KAT6A: variants seen among roughly 807,000 people sequenced by gnomAD.
The protein encoded by KAT6A is lysine acetyltransferase 6A, also known as histone acetyltransferase KAT6A.
In KAT6A, 9 loss-of-function variants were observed where a neutral mutation model predicts 198.4. The ratio of observed to expected loss-of-function variants is 0.05; its 90% CI spans 0.03 to 0.08. The LOEUF (loss-of-function observed/expected upper bound fraction) is 0.08. Ranked by LOEUF, KAT6A falls within the 10% of genes least tolerant of loss-of-function variation. The probability of loss-of-function intolerance (pLI) is 1.00; values close to 1 mark genes in which losing one functional copy is unlikely to be tolerated. For missense variants in KAT6A, 2,077 were observed against 2,509.9 expected (o/e 0.83, Z 3.69); for synonymous variants, 890 against 883.0 (o/e 1.01, Z -0.14).
At chr8:41,958,423 T>A (rs939371282) in intron 8 of KAT6A, 5 of 151,958 alleles carry the variant, frequency 3.3e-5, no homozygotes, top group African/African-American at 1.2e-4. Flanking sequence ...GAACAGCGAG[T>A]GAAGCATAAA....
intron 3 of KAT6A, among the ~76,000 whole-genome samples, chr8:41,984,258 C>CACAGTGTGACT (rs1315236417): frequency 6.6e-6 from 1 of 152,170 alleles, no homozygotes; most frequent in East Asian, 1.9e-4. Context: ...GCTGAAATAA[C>CACAGTGTGACT]ACAGTGTGAC....
chr8:41,966,338 C>A (rs139285897), intron 8 of KAT6A, among the ~76,000 whole-genome samples: 4 of 151,852 alleles, frequency 2.6e-5, no homozygotes, highest in Admixed American at 1.3e-4. Context: ...CATCTCACAC[C>A]GTCAGAAGAG....
At chr8:41,952,035 C>T (rs1213364176) in intron 9 of KAT6A, among the ~76,000 whole-genome samples, 5 of 152,188 alleles carry the variant, frequency 3.3e-5, no homozygotes, top group Admixed American at 6.5e-5. Flanking sequence ...ATATTCATCT[C>T]ACAGAATTAC....
intron 2 of KAT6A, among the ~76,000 whole-genome samples, chr8:42,042,645 G>A (rs1322528121): frequency 2.0e-5 from 3 of 152,150 alleles, no homozygotes; most frequent in East Asian, 1.9e-4. Context: ...GGATCTTTCT[G>A]CTCCAGGTTA....
intron 2 of KAT6A, among the ~76,000 whole-genome samples, chr8:42,011,609 G>C (rs991682390): frequency 6.6e-6 from 1 of 152,040 alleles, no homozygotes; most frequent in Admixed American, 6.6e-5. Flanking sequence ...GTGTGGTGAT[G>C]CATGCCTGTA....
intron 2 of KAT6A, among the ~76,000 whole-genome samples, chr8:42,014,210 T>G (rs1826158356): frequency 6.6e-6 from 1 of 152,216 alleles, no homozygotes; most frequent in African/African-American, 2.4e-5. Context: ...CCAAAAGGAT[T>G]TGCTACTGTA....
At chr8:42,004,736 G>A (rs1363668594) in intron 2 of KAT6A, among the ~76,000 whole-genome samples, 3 of 152,072 alleles carry the variant, frequency 2.0e-5, no homozygotes, top group Non-Finnish European at 2.9e-5. Context: ...GAGCAGCCTG[G>A]CCAACATGGT....
chr8:41,955,253 T>A (rs1822867978), intron 9 of KAT6A, 43 bp downstream of exon 9: 3 of 1,199,014 alleles, frequency 2.5e-6, no homozygotes. Flanking sequence ...TCCAGACTTC[T>A]ATGGATCTCA....
At chr8:42,046,397 G>A (rs1006126034) in intron 2 of KAT6A, among the ~76,000 whole-genome samples, 9 of 152,194 alleles carry the variant, frequency 5.9e-5, no homozygotes, top group South Asian at 4.1e-4. Flanking sequence ...TTAGCCGGGC[G>A]TGGTGGTGCA....
intron 1 of KAT6A, among the ~76,000 whole-genome samples, chr8:42,051,286 A>T (rs958412737): frequency 1.3e-5 from 2 of 151,550 alleles, no homozygotes; most frequent in Admixed American, 1.3e-4. Context: ...CCCGGCAGAC[A>T]CAACACCACA....
At chr8:41,988,900 G>C (rs544709228) in intron 2 of KAT6A, among the ~76,000 whole-genome samples, 42 of 152,174 alleles carry the variant, frequency 2.8e-4, no homozygotes, top group Non-Finnish European at 5.4e-4. Flanking sequence ...AAACCCTCAA[G>C]ATGCATTCAT....
At chr8:41,995,153 T>C (rs1825135024) in intron 2 of KAT6A, among the ~76,000 whole-genome samples, 1 of 152,202 alleles carries the variant, frequency 6.6e-6, no homozygotes, top group Non-Finnish European at 1.5e-5. Context: ...CTTGTAGAAC[T>C]AGATATAATA....
At chr8:41,968,123 T>C (rs2150880317) in intron 8 of KAT6A, among the ~76,000 whole-genome samples, 1 of 152,004 alleles carries the variant, frequency 6.6e-6, no homozygotes, top group East Asian at 1.9e-4. Flanking sequence ...AATTGACAAA[T>C]GGGATCTAAT....
chr8:41,967,274 A>AAATTATTTATTTATTT (rs544924028), intron 8 of KAT6A, among the ~76,000 whole-genome samples: 1 of 142,846 alleles, frequency 7.0e-6, no homozygotes, highest in African/African-American at 2.6e-5. Flanking sequence ...TAAAAAAAAA[A>AAATTATTTATTTATTT]ATTTATTTAT....
At chr8:41,975,319 G>C (rs924484126) in intron 7 of KAT6A, among the ~76,000 whole-genome samples, 2 of 151,980 alleles carry the variant, frequency 1.3e-5, no homozygotes, top group Admixed American at 1.3e-4. Flanking sequence ...TATTTACCCA[G>C]ATGATAATCA....
Position 41,932,044 on chromosome 8 carries a change from G to A in KAT6A, c.*161C>T. On this transcript the variant is annotated 3_prime_UTR_variant, in exon 17 of 17. Coordinates refer to ENST00000265713, the MANE Select transcript of KAT6A (RefSeq NM_006766.5). ...AGAACAAAATGAACCCAAAAAAAGA[G>A]AAGATCAGGTTTTCTAAAAAATAAA... The A allele has an allele frequency of 5.9e-6, 4 of 674,584 alleles. No homozygotes were observed. Among genetic ancestry groups the A allele is most frequent in the Non-Finnish European group, 8.5e-6 (4 of 471,830 alleles). 41.8% of individuals were successfully genotyped at this position (674,584 alleles called of 1,614,324 possible).
intron 2 of KAT6A, among the ~76,000 whole-genome samples, chr8:42,005,763 TACACACACACACACACACACAC>T (rs142174569): frequency 7.0e-6 from 1 of 142,018 alleles, no homozygotes; most frequent in African/African-American, 2.6e-5. Context: ...TGCAAGCAAA[TACACACACACACACACACACAC>T]ACACACACAC....
intron 2 of KAT6A, among the ~76,000 whole-genome samples, chr8:42,043,038 C>T (rs573244706): frequency 7.2e-5 from 11 of 152,160 alleles, no homozygotes; most frequent in South Asian, 2.1e-4. Flanking sequence ...AGTCATGATA[C>T]TTAATTGTTA....
In KAT6A at chr8:41,963,507, C is replaced by G. The variant is rs982023039; in HGVS notation, c.1483-8096G>C. ...ACTCCCAATCCAACAGCAGTCTTTT[C>G]CATTCTATCTTAAGTCTTTCTCAAA... On this transcript the variant is annotated intron_variant, in intron 8 of 16. Coordinates refer to ENST00000265713, the MANE Select transcript of KAT6A (RefSeq NM_006766.5). 2.0e-5 allele frequency among the ~76,000 whole-genome samples: 3 copies of G among 152,202 alleles called. 1 individual carries two copies. The highest frequency in any genetic ancestry group is 1.9e-4 in the East Asian group (1 of 5,200).
Sources: gnomAD v4.1 joint callset for allele counts (sites outside exome capture counted in the v4.1 genomes callset) on GRCh38, gnomAD v4.1.1 for gene constraint, MANE v1.5 for transcripts, NCBI Gene and HGNC (gene_info 2026-07-23, HGNC 2026-07-21) for gene names.